BLOC1S3: variants seen among roughly 807,000 people sequenced by gnomAD.
BLOC1S3 encodes the protein biogenesis of lysosome-related organelles complex 1 subunit 3.
In BLOC1S3, 7 loss-of-function variants were observed where a neutral mutation model predicts 9.1. That is an observed-to-expected ratio of 0.77 (90% CI 0.44 to 1.45). The LOEUF is 1.45. BLOC1S3 is among the 40% of genes most tolerant of loss of function. BLOC1S3 has a pLI of 0.01. For missense variants in BLOC1S3, 307 were observed against 315.2 expected (o/e 0.97, Z 0.20); for synonymous variants, 145 against 158.4 (o/e 0.92, Z 0.64).
chr19:45,215,807 A>G (rs346756), intron 3 of BLOC1S3, among the ~76,000 whole-genome samples: 142,207 of 152,264 alleles, frequency 0.93, 66,537 homozygotes, highest in African/African-American at 0.98. Flanking sequence ...TCCTGCCTCC[A>G]GGCAGCCCTG....
intron 3 of BLOC1S3, among the ~76,000 whole-genome samples, chr19:45,205,074 T>C (rs1407515585): frequency 6.6e-6 from 1 of 152,076 alleles, no homozygotes; most frequent in African/African-American, 2.4e-5. Flanking sequence ...AATAATTGCA[T>C]TGACTCTAAA....
intron 3 of BLOC1S3, among the ~76,000 whole-genome samples, chr19:45,209,588 A>T (rs1173907556): frequency 6.6e-6 from 1 of 151,074 alleles, no homozygotes; most frequent in Non-Finnish European, 1.5e-5. Context: ...CGCCCAGCTA[A>T]TTTTTTGTAT....
chr19:45,190,794 T>A (rs1322487448), intron 2 of BLOC1S3, among the ~76,000 whole-genome samples: 1 of 139,172 alleles, frequency 7.2e-6, no homozygotes, highest in Non-Finnish European at 1.5e-5. Flanking sequence ...TTTATTTTAT[T>A]TTATTTTATT....
chr19:45,205,183 T>TGA (rs1491028747), intron 3 of BLOC1S3, among the ~76,000 whole-genome samples: 1 of 147,726 alleles, frequency 6.8e-6, no homozygotes, highest in African/African-American at 2.5e-5. Flanking sequence ...TGTGTGTGTG[T>TGA]GAGACGGAGT....
At chr19:45,188,437 G>A (rs1367913827) in intron 2 of BLOC1S3, among the ~76,000 whole-genome samples, 1 of 151,738 alleles carries the variant, frequency 6.6e-6, no homozygotes, top group Admixed American at 6.6e-5. Flanking sequence ...GCCTCCCAAA[G>A]TGCTGGGATT....
chr19:45,194,020 G>A (rs1969628258), intron 2 of BLOC1S3, among the ~76,000 whole-genome samples: 1 of 137,746 alleles, frequency 7.3e-6, no homozygotes, highest in Non-Finnish European at 1.5e-5. Context: ...AGCCAGGATG[G>A]TCTCGATCTC....
chr19:45,184,590 A>G (rs1352591866), downstream of BLOC1S3, among the ~76,000 whole-genome samples: 3 of 152,216 alleles, frequency 2.0e-5, no homozygotes, highest in South Asian at 4.2e-4. Context: ...TGGGCAACAG[A>G]GTGAGACCTT....
chr19:45,181,810 T>C (rs78979751), downstream of BLOC1S3: 12,694 of 166,578 alleles, frequency 0.076, 657 homozygotes, highest in South Asian at 0.12. Context: ...ACCCTTATGG[T>C]TAGTTCCTTT....
Position 45,179,489 on chromosome 19 carries a change from T to TCGCAGC in BLOC1S3, c.195_196insCAGCCG (p.Ser65_Glu66insGlnPro), listed in dbSNP as rs1568469759. On this transcript the variant is annotated inframe_insertion, in exon 2 of 2. Coordinates refer to ENST00000433642, the MANE Select transcript of BLOC1S3 (RefSeq NM_212550.5). This position sits in a 1 kb window ranked among gnomAD's most constrained non-coding sequence, Gnocchi z 4.6. ...GGCTGGGGAAGCCGCGGAGACCGAC[T>TCGCAGC]CGGAGCCGGAGCCGGAGCCGGAACC... The TCGCAGC allele has an allele frequency of 2.0e-6, 3 of 1,523,598 alleles. No individual in the cohort carries two copies. The highest frequency in any genetic ancestry group is 1.8e-6 in the Non-Finnish European group (2 of 1,142,522). The allele number at this position is 1,523,598 out of a possible 1,614,324, so 94.4% of individuals were successfully genotyped here.
chr19:45,179,386 T>G lies in BLOC1S3; in HGVS notation c.90T>G (p.Ser30=), dbSNP rs772597441. The part of the protein sequence containing the change: ...GEATETDSER[S]ASSSEEEELY... ...CGACCGAGACGGATTCCGAGCGCTC[T>G]GCGTCCTCGTCGGAGGAGGAGGAGC... is the stretch of plus-strand genomic sequence containing the variant. Residue 30 remains serine, a synonymous_variant, in exon 2 of 2, where the codon TCT becomes TCG. Coordinates refer to ENST00000433642, the MANE Select transcript of BLOC1S3 (RefSeq NM_212550.5). This position sits in a 1 kb window ranked among gnomAD's most constrained non-coding sequence, Gnocchi z 4.6. 6.3e-7 allele frequency: 1 copy of G among 1,579,612 alleles called. No homozygotes were observed. The highest frequency in any genetic ancestry group is 1.4e-5 in the African/African-American group (1 of 73,062).
At chr19:45,213,766 G>A (rs1026036940) in intron 3 of BLOC1S3, among the ~76,000 whole-genome samples, 4 of 151,204 alleles carry the variant, frequency 2.6e-5, no homozygotes, top group Admixed American at 1.3e-4. Flanking sequence ...CCAACATGGC[G>A]AAACCCTCTC....
intron 2 of BLOC1S3, among the ~76,000 whole-genome samples, chr19:45,198,598 T>A (rs1207128119): frequency 6.6e-6 from 1 of 151,656 alleles, no homozygotes; most frequent in African/African-American, 2.4e-5. Flanking sequence ...CCAGCCAACT[T>A]CATCACTTTC....
intron 3 of BLOC1S3, among the ~76,000 whole-genome samples, chr19:45,210,554 C>T (rs1969761365): frequency 1.3e-5 from 2 of 151,604 alleles, no homozygotes; most frequent in South Asian, 4.1e-4. Flanking sequence ...CCACCTCGGC[C>T]TCCCAAAGCG....
intron 3 of BLOC1S3, chr19:45,212,743 C>T (rs952204099): frequency 2.2e-5 from 5 of 229,850 alleles, no homozygotes; most frequent in Non-Finnish European, 4.1e-5. Flanking sequence ...TACAGGCACA[C>T]ACCACCGTGC....
intron 2 of BLOC1S3, among the ~76,000 whole-genome samples, chr19:45,201,343 C>T (rs761841636): frequency 3.3e-5 from 5 of 152,160 alleles, no homozygotes; most frequent in Admixed American, 2.0e-4. Context: ...TATCTCTGTA[C>T]GGAGCTGCCT....
rs59295257 is a variant in BLOC1S3 at position 45,202,210 on chromosome 19, TAAAAAA to T, written n.181-174_181-169del. Reference sequence around the variant, plus strand: ...CTGGGTGACAGAGTGAGACTCCATCTAAAAAAAAAAAAAAAAAAAAAAAAAAAGACG... The same window carrying T: ...CTGGGTGACAGAGTGAGACTCCATCTAAAAAAAAAAAAAAAAAAAAAGACG... On this transcript the variant is annotated intron_variant and non_coding_transcript_variant, in intron 2 of 3. Coordinates refer to the BLOC1S3 transcript ENST00000591569. 1.3e-4 allele frequency among the ~76,000 whole-genome samples: 7 copies of T among 54,906 alleles called. No individual in the cohort carries two copies. The Admixed American group carries it at 1.3e-3, about 11-fold the overall frequency. The allele number at this position is 54,906 out of a possible 152,430, so 36.0% of individuals were successfully genotyped here.
chr19:45,214,441 C>T (rs1297442457), intron 3 of BLOC1S3, among the ~76,000 whole-genome samples: 3 of 151,210 alleles, frequency 2.0e-5, no homozygotes, highest in African/African-American at 4.9e-5. Flanking sequence ...TGATCTGGTA[C>T]ACTAGTTTTT....
Position 45,180,538 on chromosome 19 carries a change from G to A in BLOC1S3, c.*633G>A. ...GTCCCAAAGTGCTGGGGTTACAGGT[G>A]TGAGCCACCACACACTGGGCTCTGC... is the stretch of plus-strand genomic sequence containing the variant. On this transcript the variant is annotated 3_prime_UTR_variant, in exon 2 of 2. Coordinates refer to ENST00000433642, the MANE Select transcript of BLOC1S3 (RefSeq NM_212550.5). The A allele has an allele frequency of 6.1e-6, 1 of 164,392 alleles. No homozygotes were observed. Among genetic ancestry groups the A allele is most frequent in the Non-Finnish European group, 1.5e-5 (1 of 68,318 alleles). The allele number at this position is 164,392 out of a possible 1,614,324, so 10.2% of individuals were successfully genotyped here. A position where few individuals can be genotyped will look rare whatever the true frequency, so the allele number is the denominator to read the frequency against.
At chr19:45,208,423 A>G (rs537783561) in intron 3 of BLOC1S3, among the ~76,000 whole-genome samples, 3 of 151,068 alleles carry the variant, frequency 2.0e-5, no homozygotes, top group African/African-American at 7.3e-5. Flanking sequence ...CCTAGCCAAC[A>G]TGGCAAAACG....
Sources: allele counts gnomAD v4.1 joint callset (sites outside exome capture counted in the v4.1 genomes callset), GRCh38; gene constraint gnomAD v4.1.1; non-coding constraint Gnocchi (gnomAD v3.1); transcripts MANE v1.5; gene names NCBI Gene and HGNC (gene_info 2026-07-23, HGNC 2026-07-21).